MICAL3: variants seen among roughly 807,000 people sequenced by gnomAD.
MICAL3 encodes [F-actin]-monooxygenase MICAL3.
In MICAL3, 62 loss-of-function variants were observed where a neutral mutation model predicts 207.4. The observed-to-expected ratio is 0.30, with a 90% CI of 0.24 to 0.37. The LOEUF (loss-of-function observed/expected upper bound fraction) is 0.37. Ranked by LOEUF, MICAL3 falls within the 10% of genes least tolerant of loss-of-function variation. The probability of loss-of-function intolerance (pLI) is 1.00; values close to 1 mark genes in which losing one functional copy is unlikely to be tolerated. For missense variants in MICAL3, 2,368 were observed against 2,635.6 expected (o/e 0.90, Z 2.22); for synonymous variants, 1,077 against 1,069.3 (o/e 1.01, Z -0.14).
intron 1 of MICAL3, among the ~76,000 whole-genome samples, chr22:17,992,333 C>T (rs543989282): frequency 2.0e-4 from 30 of 152,314 alleles, no homozygotes; most frequent in African/African-American, 7.2e-4. Context: ...TAGGCAAATT[C>T]TAGAAATTCT....
intron 10 of MICAL3, among the ~76,000 whole-genome samples, chr22:17,894,566 C>T (rs577812792): frequency 3.3e-5 from 5 of 151,762 alleles, no homozygotes; most frequent in Admixed American, 2.0e-4. Context: ...GGGCCAGGCA[C>T]GGTGGGCAGA....
chr22:17,825,942 T>A (rs1045907578), intron 22 of MICAL3, among the ~76,000 whole-genome samples: 5 of 152,276 alleles, frequency 3.3e-5, no homozygotes, highest in African/African-American at 1.2e-4. Context: ...ATTTGACTGG[T>A]GTCACCCCTG....
chr22:17,906,617 A>G lies in MICAL3; in HGVS notation c.196T>C (p.Trp66Arg). 6.2e-7 allele frequency: 1 copy of G among 1,613,920 alleles called. No homozygotes were observed. Among genetic ancestry groups the G allele is most frequent in the Non-Finnish European group, 8.5e-7 (1 of 1,179,838 alleles). The stretch of plus-strand genomic sequence containing the variant: ...CTGCCCCGTTTGTCCAATTTTGCCC[A>G]GAGGGCTTTGGCTTTCCAGTAGTTA... ...KLNYWKAKAL[W>R]AKLDKRGSHK... Residue 66 changes from tryptophan to arginine, a missense_variant, in exon 2 of 32, where the codon TGG becomes CGG. Physicochemically the swap from Trp to Arg is moderately radical, Grantham distance 101. Coordinates refer to ENST00000441493, the MANE Select transcript of MICAL3 (RefSeq NM_015241.3).
intron 11 of MICAL3, among the ~76,000 whole-genome samples, chr22:17,891,955 G>T (rs1432022889): frequency 6.6e-6 from 1 of 152,182 alleles, no homozygotes; most frequent in African/African-American, 2.4e-5. Flanking sequence ...CACCTACTGT[G>T]TGGCCAGCCT....
chr22:17,813,706 C>G (rs1373327060), intron 27 of MICAL3: 1 of 152,244 alleles, frequency 6.6e-6, no homozygotes, highest in African/African-American at 2.4e-5. Context: ...TTCCCACAAT[C>G]TACCCATTTT....
intron 16 of MICAL3, among the ~76,000 whole-genome samples, chr22:17,883,266 C>G (rs542875869): frequency 1.3e-5 from 2 of 152,198 alleles, no homozygotes; most frequent in African/African-American, 4.8e-5. Context: ...CGCCTTCTGT[C>G]GTGAGTTTGG....
intron 16 of MICAL3, chr22:17,875,530 A>G (rs766532706): frequency 1.3e-6 from 2 of 1,553,428 alleles, no homozygotes; most frequent in Non-Finnish European, 1.7e-6. Context: ...TCGACAAAAA[A>G]TCGACGAGGA....
chr22:17,811,920 A>AT (rs1264641427), intron 27 of MICAL3, among the ~76,000 whole-genome samples: 16 of 151,260 alleles, frequency 1.1e-4, no homozygotes, highest in African/African-American at 2.7e-4. Flanking sequence ...AATTAAAACA[A>AT]TTTTTTTTTG....
intron 16 of MICAL3, among the ~76,000 whole-genome samples, chr22:17,885,294 C>T (rs1929771869): frequency 6.6e-6 from 1 of 152,222 alleles, no homozygotes; most frequent in South Asian, 2.1e-4. Flanking sequence ...ACAACTCGAA[C>T]ATCCAACACT....
At chr22:17,981,375 G>A (rs1399608434) in intron 1 of MICAL3, among the ~76,000 whole-genome samples, 1 of 151,508 alleles carries the variant, frequency 6.6e-6, no homozygotes, top group Non-Finnish European at 1.5e-5. Flanking sequence ...AGAAGATAAA[G>A]ATCAATCATG....
chr22:17,994,530 C>G (rs1185845497), intron 1 of MICAL3, among the ~76,000 whole-genome samples: 1 of 152,136 alleles, frequency 6.6e-6, no homozygotes, highest in Non-Finnish European at 1.5e-5. Flanking sequence ...CTGGGCAACA[C>G]AGAGAGAGCT....
intron 28 of MICAL3, among the ~76,000 whole-genome samples, chr22:17,810,250 G>A (rs949811371): frequency 5.3e-5 from 8 of 151,282 alleles, no homozygotes; most frequent in Non-Finnish European, 8.8e-5. Flanking sequence ...TTTTAGTAGA[G>A]ACGGGGGTTT....
At chr22:17,967,357 C>CA (rs5844336) in intron 1 of MICAL3, among the ~76,000 whole-genome samples, 5 of 151,502 alleles carry the variant, frequency 3.3e-5, no homozygotes, top group Admixed American at 6.6e-5. Context: ...ACATACCCTG[C>CA]AAAAAAAAGT....
chr22:17,861,968 TA>T (rs1569099865), intron 19 of MICAL3: 1 of 985,060 alleles, frequency 1.0e-6, no homozygotes, highest in Non-Finnish European at 1.2e-6. Flanking sequence ...AATTTTGGCA[TA>T]AAAAGAAAAA....
intron 20 of MICAL3, among the ~76,000 whole-genome samples, chr22:17,838,837 C>T (rs1199540564): frequency 6.6e-6 from 1 of 152,144 alleles, no homozygotes; most frequent in Non-Finnish European, 1.5e-5. Context: ...TGGAAAGGCA[C>T]CCAATTCTGT....
At chr22:17,915,354 G>A (rs2057304311) in intron 1 of MICAL3, among the ~76,000 whole-genome samples, 1 of 152,202 alleles carries the variant, frequency 6.6e-6, no homozygotes, top group Non-Finnish European at 1.5e-5. Context: ...TGGTTGGTAG[G>A]CCGTACAGGG....
chr22:17,799,705 T>A (rs1358515256), intron 29 of MICAL3, among the ~76,000 whole-genome samples: 4 of 152,126 alleles, frequency 2.6e-5, no homozygotes, highest in Non-Finnish European at 4.4e-5. Flanking sequence ...CCCAGCTGGC[T>A]GGTGTGCAAT....
chr22:18,020,612 G>GCA lies in MICAL3; in HGVS notation c.-75+3668_-75+3669insTG, dbSNP rs2031399001. On this transcript the variant is annotated intron_variant, in intron 1 of 31. Transcript: ENST00000441493. ...TAAAATGGCTGTAAACCTTTAAAAA[G>GCA]TAAAAAAAAAAAAAAAAAAATAGGC... Among the ~76,000 whole-genome samples the GCA allele has an allele frequency of 2.1e-3, 80 of 38,018 alleles. 1 individual carries two copies. In the East Asian group the frequency reaches 0.056, roughly 27 times the overall value. 24.9% of individuals were successfully genotyped at this position (38,018 alleles called of 152,430 possible). A position where few individuals can be genotyped will look rare whatever the true frequency, so the allele number is the denominator to read the frequency against.
intron 1 of MICAL3, among the ~76,000 whole-genome samples, chr22:17,929,217 G>T (rs919515657): frequency 6.7e-6 from 1 of 148,934 alleles, no homozygotes; most frequent in African/African-American, 2.5e-5. Context: ...CCCTACCTCA[G>T]CCTCCCAAGT....
Sources: allele counts gnomAD v4.1 joint callset (sites outside exome capture counted in the v4.1 genomes callset), GRCh38; gene constraint gnomAD v4.1.1; transcripts MANE v1.5; gene names NCBI Gene and HGNC (gene_info 2026-07-23, HGNC 2026-07-21).